PRKG1: variants seen among roughly 807,000 people sequenced by gnomAD.
PRKG1 encodes the protein protein kinase cGMP-dependent 1, also known as cGMP-dependent protein kinase 1.
Under a neutral mutation model 88.1 loss-of-function variants are expected in PRKG1, and 35 were observed. The observed-to-expected ratio is 0.40, with a 90% CI of 0.30 to 0.53. The LOEUF (loss-of-function observed/expected upper bound fraction) is 0.53. Among genes scored for constraint, PRKG1 ranks in the 20% least tolerant of loss-of-function variants. The probability of loss-of-function intolerance (pLI) is 0.59; values close to 1 mark genes in which losing one functional copy is unlikely to be tolerated. For missense variants in PRKG1, 540 were observed against 839.8 expected (o/e 0.64, Z 4.41); for synonymous variants, 303 against 292.5 (o/e 1.04, Z -0.37).
intron 5 of PRKG1, among the ~76,000 whole-genome samples, chr10:52,028,585 T>G (rs1307335702): frequency 6.6e-6 from 1 of 152,238 alleles, no homozygotes; most frequent in Non-Finnish European, 1.5e-5. Flanking sequence ...GCCTAAGGTT[T>G]ACTTTGGGCT....
chr10:51,932,728 G>A (rs1384996942), intron 5 of PRKG1, among the ~76,000 whole-genome samples: 1 of 152,216 alleles, frequency 6.6e-6, no homozygotes, highest in Non-Finnish European at 1.5e-5. Flanking sequence ...GTGAAAAATT[G>A]AGTCTTGTGA....
At chr10:51,353,886 G>GGGAGCAACC (rs1554798621) in intron 2 of PRKG1, among the ~76,000 whole-genome samples, 12 of 716 alleles carry the variant, frequency 0.017, no homozygotes, top group African/African-American at 0.024. Flanking sequence ...GCCAAGATTT[G>GGGAGCAACC]TGTTCATCAA....
intron 2 of PRKG1, among the ~76,000 whole-genome samples, chr10:51,421,837 G>T (rs1391002450): frequency 1.3e-5 from 2 of 152,176 alleles, no homozygotes; most frequent in African/African-American, 4.8e-5. Flanking sequence ...AAATACTTGT[G>T]TAGGAGTCAG....
At chr10:51,816,966 A>G (rs1839602868) in intron 4 of PRKG1, among the ~76,000 whole-genome samples, 1 of 152,166 alleles carries the variant, frequency 6.6e-6, no homozygotes. Flanking sequence ...TTTATTTTTT[A>G]AAGAAATTAA....
chr10:51,957,976 T>C (rs1025365022), intron 5 of PRKG1, among the ~76,000 whole-genome samples: 11 of 152,284 alleles, frequency 7.2e-5, no homozygotes, highest in South Asian at 6.2e-4. Flanking sequence ...TGAATAATAA[T>C]GTAAAGGGCA....
intron 9 of PRKG1, among the ~76,000 whole-genome samples, chr10:52,200,205 C>T (rs987327949): frequency 8.5e-5 from 13 of 152,102 alleles, no homozygotes; most frequent in African/African-American, 2.7e-4. Flanking sequence ...TCCTCACCCT[C>T]GTCCCACCCT....
At chr10:52,065,744 A>C (rs544422589) in intron 7 of PRKG1, among the ~76,000 whole-genome samples, 1 of 152,094 alleles carries the variant, frequency 6.6e-6, no homozygotes, top group East Asian at 1.9e-4. Flanking sequence ...AGAGTGAAAT[A>C]AACATTATCT....
At chr10:51,101,429 G>T (rs1431971443) in intron 1 of PRKG1, among the ~76,000 whole-genome samples, 1 of 152,118 alleles carries the variant, frequency 6.6e-6, no homozygotes, top group East Asian at 1.9e-4. Flanking sequence ...AAGCCAGTCG[G>T]TGTGTGGCAT....
At chr10:51,456,127 G>A (rs1042140559) in intron 2 of PRKG1, among the ~76,000 whole-genome samples, 3 of 152,178 alleles carry the variant, frequency 2.0e-5, no homozygotes, top group Non-Finnish European at 4.4e-5. Context: ...CATCTCACAT[G>A]GTGGTGGACA....
intron 2 of PRKG1, among the ~76,000 whole-genome samples, chr10:51,365,779 T>A (rs1287331157): frequency 2.0e-5 from 3 of 151,904 alleles, no homozygotes; most frequent in Non-Finnish European, 4.4e-5. Context: ...GTATCTCTCT[T>A]AAGTACCTAG....
chr10:51,785,106 G>A lies in PRKG1; in HGVS notation c.593-19479G>A, dbSNP rs181698909. Among the ~76,000 whole-genome samples the A allele has an allele frequency of 2.8e-3, 426 of 150,042 alleles. 3 individuals are homozygous for A. The highest frequency in any genetic ancestry group is 9.8e-3 in the African/African-American group (399 of 40,744). On this transcript the variant is annotated intron_variant, in intron 3 of 17. Coordinates refer to ENST00000373980, the MANE Select transcript of PRKG1 (RefSeq NM_006258.4). ...ACATAACAAGTCCTCGTTAGAAATA[G>A]CTTCTTGATTTCTTCTTCTTTTTTT... is the stretch of plus-strand genomic sequence containing the variant.
intron 2 of PRKG1, among the ~76,000 whole-genome samples, chr10:51,184,430 T>G (rs1837429962): frequency 6.6e-6 from 1 of 152,170 alleles, no homozygotes; most frequent in East Asian, 1.9e-4. Flanking sequence ...TTTTGTAAAT[T>G]TATACATCAA....
chr10:52,047,994 T>C (rs1845903908), intron 5 of PRKG1, among the ~76,000 whole-genome samples: 1 of 152,038 alleles, frequency 6.6e-6, no homozygotes, highest in African/African-American at 2.4e-5. Context: ...GAGATGTACA[T>C]GAGATATACA....
intron 4 of PRKG1, among the ~76,000 whole-genome samples, chr10:51,843,647 G>A (rs766596445): frequency 1.3e-5 from 2 of 152,178 alleles, no homozygotes. Context: ...GCATAGAAGA[G>A]CATGGTATTG....
At chr10:51,639,779 A>C (rs1293590374) in intron 3 of PRKG1, among the ~76,000 whole-genome samples, 1 of 151,962 alleles carries the variant, frequency 6.6e-6, no homozygotes, top group Middle Eastern at 3.2e-3. Flanking sequence ...GGTTTTTGCC[A>C]TTACTTTTAA....
chr10:51,246,892 G>A (rs1341465476), intron 2 of PRKG1, among the ~76,000 whole-genome samples: 1 of 152,008 alleles, frequency 6.6e-6, no homozygotes, highest in Non-Finnish European at 1.5e-5. Flanking sequence ...GGAAAGGTAT[G>A]TTATATCTTC....
At chr10:51,090,348 A>G (rs1351579360) in intron 1 of PRKG1, among the ~76,000 whole-genome samples, 1 of 152,186 alleles carries the variant, frequency 6.6e-6, no homozygotes, top group Non-Finnish European at 1.5e-5. Context: ...AGAGCCCAAC[A>G]CAACCCAGCT....
At chr10:52,044,779 A>C (rs921314553) in intron 5 of PRKG1, among the ~76,000 whole-genome samples, 11 of 152,120 alleles carry the variant, frequency 7.2e-5, no homozygotes, top group African/African-American at 2.4e-4. Context: ...AATGGATTGC[A>C]TAGAACAAGG....
At chr10:51,514,937 G>A (rs944355039) in intron 3 of PRKG1, among the ~76,000 whole-genome samples, 6 of 152,088 alleles carry the variant, frequency 3.9e-5, no homozygotes, top group African/African-American at 1.2e-4. Context: ...GCTGTGAGAG[G>A]CTGTCCTGTG....
Sources: gnomAD v4.1 joint callset for allele counts (sites outside exome capture counted in the v4.1 genomes callset) on GRCh38, gnomAD v4.1.1 for gene constraint, MANE v1.5 for transcripts, NCBI Gene and HGNC (gene_info 2026-07-23, HGNC 2026-07-21) for gene names.